TTC6: variants seen among roughly 807,000 people sequenced by gnomAD.
The protein encoded by TTC6 is tetratricopeptide repeat domain 6.
A neutral mutation model predicts 210.4 loss-of-function variants in TTC6; 172 were observed. The observed-to-expected ratio is 0.82, with a 90% CI of 0.72 to 0.93. The LOEUF (loss-of-function observed/expected upper bound fraction) is 0.93. Ranked by LOEUF, TTC6 falls within the 40% of genes least tolerant of loss-of-function variation. The probability of loss-of-function intolerance (pLI) is 0.00; values close to 1 mark genes in which losing one functional copy is unlikely to be tolerated. For synonymous variants in TTC6, 804 were observed against 819.6 expected, an observed-to-expected ratio of 0.98 and a Z score of 0.32; for missense variants, 2,414 against 2,318.1, an observed-to-expected ratio of 1.04 and a Z score of -0.85.
At chr14:37,796,747 T>G (rs764390573) in intron 19 of TTC6, 40 bp from the exon 22 acceptor site, 1 of 1,564,058 alleles carries the variant, frequency 6.4e-7, no homozygotes, top group Non-Finnish European at 8.7e-7. Context: ...AAATCATTGA[T>G]ACTTGGCAAA....
chr14:37,803,681 T>C (rs1460114663), intron 20 of TTC6, among the ~76,000 whole-genome samples: 1 of 151,960 alleles, frequency 6.6e-6, no homozygotes, highest in African/African-American at 2.4e-5. Context: ...AGGAGTTAGC[T>C]CTGCAAGGAA....
chr14:37,666,427 A>G (rs1340777504), intron 1 of TTC6, among the ~76,000 whole-genome samples: 3 of 143,656 alleles, frequency 2.1e-5, no homozygotes, highest in African/African-American at 5.0e-5. Context: ...AGCCTGAGCA[A>G]CATAGTGAGG....
intron 3 of TTC6, among the ~76,000 whole-genome samples, chr14:37,686,251 G>A (rs1022306320): frequency 6.6e-6 from 1 of 152,090 alleles, no homozygotes; most frequent in African/African-American, 2.4e-5. Context: ...GTTTTTGTGA[G>A]GATTATATGT....
In TTC6 at chr14:37,792,483, A is replaced by T. The variant is rs1041045060; in HGVS notation, c.3708+69A>T. The stretch of plus-strand genomic sequence containing the variant: ...ATTTTCTGGATATTTGTTCAACATA[A>T]TTTTAATATATATACATATTTTAGC... On this transcript the variant is annotated intron_variant, in intron 17 of 30. Transcript: ENST00000553443. 2.4e-6 allele frequency: 3 copies of T among 1,253,722 alleles called. No homozygotes were observed. The African/African-American group carries it at 4.6e-5, about 19-fold the overall frequency. 77.7% of individuals were successfully genotyped at this position (1,253,722 alleles called of 1,614,324 possible).
Position 37,795,387 on chromosome 14 carries a change from AC to A in TTC6, c.3791+36del, listed in dbSNP as rs2096090289. ...TAGAAACTGAATTCTTCTTGGGATA[AC>A]TTAGCATCAGAGAAATTGAATGGGG... On this transcript the variant is annotated intron_variant, in intron 18 of 30. Transcript: ENST00000553443. 1.0e-5 allele frequency: 14 copies of A among 1,387,962 alleles called. No homozygotes were observed. In the East Asian group the frequency reaches 3.7e-4, roughly 37 times the overall value. 86.0% of individuals were successfully genotyped at this position (1,387,962 alleles called of 1,614,324 possible).
At chr14:37,629,943 C>G (rs2095666515) in intron 1 of TTC6, among the ~76,000 whole-genome samples, 1 of 152,122 alleles carries the variant, frequency 6.6e-6, no homozygotes, top group Non-Finnish European at 1.5e-5. Context: ...AGCCTTGCAT[C>G]CCAGGGATGA....
At chr14:37,791,474 A>G (rs1174110664) in intron 16 of TTC6, among the ~76,000 whole-genome samples, 2 of 152,164 alleles carry the variant, frequency 1.3e-5, no homozygotes, top group African/African-American at 4.8e-5. Flanking sequence ...AATCATGCCA[A>G]TTCCTTGCCA....
rs186395401 is a variant in TTC6 at position 37,753,971 on chromosome 14, G to A, written c.3266+736G>A. On this transcript the variant is annotated intron_variant, in intron 14 of 30. Transcript: ENST00000553443. ...TACATAGCATAGTTTTCATTTTGTT[G>A]CTTTTCTTTTAATCTAAATTTTGTT... Among the ~76,000 whole-genome samples, 16 of 151,622 alleles carry A rather than the reference G, an allele frequency of 1.1e-4. 1 individual carries two copies. In the East Asian group the frequency reaches 3.1e-3, roughly 29 times the overall value.
upstream of TTC6, chr14:37,622,023 T>C: frequency 7.2e-7 from 1 of 1,384,404 alleles, no homozygotes. Context: ...ACAACATATG[T>C]GATTGTTTTG....
At chr14:37,647,761 T>A (rs1436636952) in intron 1 of TTC6, among the ~76,000 whole-genome samples, 1 of 151,906 alleles carries the variant, frequency 6.6e-6, no homozygotes, top group Non-Finnish European at 1.5e-5. Context: ...ACCCGGGGGA[T>A]AAGTGTAGCT....
intron 25 of TTC6, among the ~76,000 whole-genome samples, chr14:37,816,052 CAAAA>C (rs71127247): frequency 9.1e-4 from 130 of 142,196 alleles, no homozygotes; most frequent in African/African-American, 2.8e-3. Context: ...TTAATTTTAG[CAAAA>C]AAAAAAAAAA....
chr14:37,725,348 A>ATATATATATATATG (rs1555391434), intron 7 of TTC6, among the ~76,000 whole-genome samples: 6 of 113,272 alleles, frequency 5.3e-5, no homozygotes, highest in South Asian at 2.9e-4. Context: ...ATATATATAT[A>ATATATATATATATG]TATATATATA....
chr14:37,842,315 G>A (rs1177860959), exon 31 of TTC6: 4 of 1,567,716 alleles, frequency 2.6e-6, no homozygotes, highest in Non-Finnish European at 3.4e-6. Context: ...GGTTGCTATA[G>A]TAGTTTACAC....
intron 20 of TTC6, among the ~76,000 whole-genome samples, chr14:37,799,090 G>C (rs1168151612): frequency 6.6e-6 from 1 of 152,020 alleles, no homozygotes; most frequent in African/African-American, 2.4e-5. Context: ...TTTCTATTTA[G>C]TGAATGAGTT....
At chr14:37,671,092 C>G (rs177900) in intron 1 of TTC6, among the ~76,000 whole-genome samples, 9,281 of 152,136 alleles carry the variant, frequency 0.061, 396 homozygotes, top group Non-Finnish European at 0.089. Context: ...AGCCTGTGGG[C>G]TTGTGTCAAG....
At chr14:37,672,947 A>G (rs879651431) in intron 1 of TTC6, among the ~76,000 whole-genome samples, 11 of 151,926 alleles carry the variant, frequency 7.2e-5, no homozygotes, top group South Asian at 2.1e-4. Context: ...TGGAACTACT[A>G]TAGTTTTTGA....
rs2138831418 is a variant in TTC6 at position 37,724,916 on chromosome 14, T to G, written c.1732T>G (p.Phe578Val). 4.6e-6 allele frequency: 7 copies of G among 1,525,364 alleles called. No individual in the cohort carries two copies. In the South Asian group the frequency reaches 8.5e-5, roughly 18 times the overall value. 94.5% of individuals were successfully genotyped at this position (1,525,364 alleles called of 1,614,324 possible). A position where few individuals can be genotyped will look rare whatever the true frequency, so the allele number is the denominator to read the frequency against. The stretch of plus-strand genomic sequence containing the variant: ...TTCAAAGATGTATGCTTATCCAGAA[T>G]TCACGAAGTTGTTTTGGAATACAGC... The change falls in exon 7 of 31, where the codon TTC (phenylalanine) becomes GTC (valine). Residue 578 changes from phenylalanine to valine, a missense_variant. Phe to Val is a conservative substitution (Grantham distance 50). Transcript: ENST00000553443.
intron 1 of TTC6, among the ~76,000 whole-genome samples, chr14:37,604,606 A>G (rs2139226804): frequency 6.6e-6 from 1 of 152,086 alleles, no homozygotes; most frequent in Non-Finnish European, 1.5e-5. Context: ...GACCCCGATC[A>G]TCGCCCTGGC....
At chr14:37,666,287 AGTTT>A (rs1348136351) in intron 1 of TTC6, among the ~76,000 whole-genome samples, 1 of 149,572 alleles carries the variant, frequency 6.7e-6, no homozygotes, top group Non-Finnish European at 1.5e-5. Flanking sequence ...TCCAAGTATG[AGTTT>A]GTTTGACAGA....
Sources: gnomAD v4.1 joint callset for allele counts (sites outside exome capture counted in the v4.1 genomes callset) on GRCh38, gnomAD v4.1.1 for gene constraint, MANE v1.5 for transcripts, NCBI Gene and HGNC (gene_info 2026-07-23, HGNC 2026-07-21) for gene names.